Variants in OPCML observed in about 807,000 individuals in gnomAD.
OPCML encodes opioid binding protein/cell adhesion molecule like.
In OPCML, 13 loss-of-function variants were observed where a neutral mutation model predicts 37.8. The ratio of observed to expected loss-of-function variants is 0.34; its 90% confidence interval spans 0.22 to 0.55. The LOEUF is 0.55. OPCML is among the 20% of genes least tolerant of loss of function. OPCML has a pLI of 0.91. For missense variants in OPCML, 341 were observed against 435.6 expected (o/e 0.78, Z 1.93); for synonymous variants, 176 against 168.8 (o/e 1.04, Z -0.33).
chr11:132,679,871 G>A (rs76911219), intron 2 of OPCML, among the ~76,000 whole-genome samples: 42 of 152,318 alleles, frequency 2.8e-4, no homozygotes, highest in Non-Finnish European at 4.7e-4. Context: ...GATTATGGAC[G>A]TGTGAGTGTG....
intron 1 of OPCML, among the ~76,000 whole-genome samples, chr11:133,335,382 G>A (rs937431317): frequency 2.0e-5 from 3 of 152,074 alleles, no homozygotes; most frequent in Non-Finnish European, 2.9e-5. Context: ...ACAAGTGGCC[G>A]GCAGATTGTC....
chr11:133,022,570 C>A (rs1353685741), intron 1 of OPCML, among the ~76,000 whole-genome samples: 1 of 151,894 alleles, frequency 6.6e-6, no homozygotes, highest in Non-Finnish European at 1.5e-5. Context: ...CCACTGTCTG[C>A]ACATATGTAC....
chr11:133,177,860 T>C lies in OPCML; in HGVS notation c.62-234850A>G, dbSNP rs919135399. 2.6e-5 allele frequency among the ~76,000 whole-genome samples: 4 copies of C among 152,290 alleles called. No individual in the cohort carries two copies. The highest frequency in any genetic ancestry group is 2.6e-4 in the Admixed American group (4 of 15,298). On this transcript the variant is annotated intron_variant, in intron 1 of 7. Transcript: ENST00000524381. The surrounding 1 kb of genome is among the most constrained non-coding windows in gnomAD (Gnocchi z 5.0). ...TTACTGCAGACTTTCATTTACTTCA[T>C]GAGGAAGAAAGAGAGGAAAGGAGGC...
At chr11:133,525,530 G>A (rs932774778) in intron 1 of OPCML, among the ~76,000 whole-genome samples, 6 of 151,314 alleles carry the variant, frequency 4.0e-5, no homozygotes, top group Non-Finnish European at 8.9e-5. Flanking sequence ...TAGGCAACGC[G>A]AAGATCAGAT....
intron 1 of OPCML, among the ~76,000 whole-genome samples, chr11:133,456,463 C>T (rs1000432189): frequency 4.0e-5 from 6 of 148,326 alleles, no homozygotes; most frequent in African/African-American, 1.6e-4. Context: ...TTTCAATAAA[C>T]AATCACAAGA....
chr11:133,003,646 G>T (rs1012306639), intron 1 of OPCML: 2 of 985,072 alleles, frequency 2.0e-6, no homozygotes, highest in African/African-American at 1.7e-5. Flanking sequence ...CTATTGTTTT[G>T]TGGAACATAC....
intron 3 of OPCML, among the ~76,000 whole-genome samples, chr11:132,624,874 A>T (rs1382894375): frequency 2.0e-5 from 3 of 152,154 alleles, no homozygotes; most frequent in Admixed American, 6.5e-5. Context: ...TTTAGCAAGC[A>T]CAGCAACAGG....
chr11:132,678,285 A>T (rs922506976), intron 2 of OPCML, among the ~76,000 whole-genome samples: 2 of 152,222 alleles, frequency 1.3e-5, no homozygotes, highest in Non-Finnish European at 2.9e-5. Context: ...ACTCTCCTTC[A>T]TTGCCGGTAG....
At chr11:133,404,733 T>A (rs575145702) in intron 1 of OPCML, among the ~76,000 whole-genome samples, 5 of 152,298 alleles carry the variant, frequency 3.3e-5, no homozygotes, top group African/African-American at 1.2e-4. Context: ...GGCTTTTATT[T>A]TATTCAATTC....
intron 7 of OPCML, among the ~76,000 whole-genome samples, chr11:132,433,926 C>T (rs1401334629): frequency 2.6e-5 from 4 of 152,148 alleles, no homozygotes; most frequent in East Asian, 1.9e-4. Context: ...GCTATCCCAT[C>T]GGTAGTATTT....
At chr11:133,033,488 A>G (rs376558039) in intron 1 of OPCML, among the ~76,000 whole-genome samples, 5 of 152,356 alleles carry the variant, frequency 3.3e-5, no homozygotes, top group African/African-American at 1.2e-4. Flanking sequence ...CTATCCATAG[A>G]AATCAAAATC....
At chr11:132,822,057 C>T (rs1317201562) in intron 2 of OPCML, among the ~76,000 whole-genome samples, 4 of 152,202 alleles carry the variant, frequency 2.6e-5, no homozygotes, top group Non-Finnish European at 5.9e-5. Flanking sequence ...TTGTCTCTTA[C>T]TTGCCTTCCC....
intron 2 of OPCML, among the ~76,000 whole-genome samples, chr11:132,820,946 T>C (rs117823080): frequency 0.016 from 2,490 of 152,314 alleles, 26 homozygotes; most frequent in Middle Eastern, 0.031. Flanking sequence ...TCCCCCATCA[T>C]ACAGCATTAG....
rs190642731 is a variant in OPCML at position 133,447,791 on chromosome 11, C to A, written c.61+84473G>T. ...CACCACTGAGGGGCTCTTAGGTTGA[C>A]TTCATGTCTTTGCTATTGTGAACAG... On this transcript the variant is annotated intron_variant, in intron 1 of 7. Transcript: ENST00000524381. 4.4e-3 allele frequency among the ~76,000 whole-genome samples: 671 copies of A among 152,286 alleles called. 16 individuals carry two copies. The highest frequency in any genetic ancestry group is 2.3e-3 in the Non-Finnish European group (156 of 68,016).
chr11:133,472,503 T>C (rs1340420369), intron 1 of OPCML, among the ~76,000 whole-genome samples: 1 of 151,838 alleles, frequency 6.6e-6, no homozygotes, highest in Non-Finnish European at 1.5e-5. Flanking sequence ...AATGATGTGA[T>C]GCAGATCAGG....
intron 1 of OPCML, among the ~76,000 whole-genome samples, chr11:133,520,822 C>T (rs2120697857): frequency 6.6e-6 from 1 of 152,238 alleles, no homozygotes; most frequent in East Asian, 1.9e-4. Flanking sequence ...TCATCACAAC[C>T]CAAATGGCAA....
At chr11:132,497,717 T>C (rs1940399) in intron 4 of OPCML, among the ~76,000 whole-genome samples, 42,499 of 151,980 alleles carry the variant, frequency 0.28, 6,659 homozygotes, top group East Asian at 0.62. Context: ...AGGGGAATAA[T>C]GATAGAACAA....
At chr11:133,488,460 G>T (rs1947580855) in intron 1 of OPCML, among the ~76,000 whole-genome samples, 1 of 152,010 alleles carries the variant, frequency 6.6e-6, no homozygotes, top group South Asian at 2.1e-4. Flanking sequence ...ATACACCAAT[G>T]ATGATCTAAC....
chr11:132,445,873 T>C (rs1376749057), intron 4 of OPCML, among the ~76,000 whole-genome samples: 1 of 152,168 alleles, frequency 6.6e-6, no homozygotes, highest in Non-Finnish European at 1.5e-5. Flanking sequence ...TGCTCAGATC[T>C]CCTGTCAACT....
Sources: allele counts gnomAD v4.1 joint callset (sites outside exome capture counted in the v4.1 genomes callset), GRCh38; gene constraint gnomAD v4.1.1; non-coding constraint Gnocchi (gnomAD v3.1); transcripts MANE v1.5; gene names NCBI Gene and HGNC (gene_info 2026-07-23, HGNC 2026-07-21).